PDZD2: variants seen among roughly 807,000 people sequenced by gnomAD.
PDZD2 encodes the protein PDZ domain-containing protein 2.
Under a neutral mutation model 220.7 loss-of-function variants are expected in PDZD2, and 90 were observed. The observed-to-expected ratio is 0.41, with a 90% CI of 0.34 to 0.49. PDZD2 has a LOEUF of 0.49. PDZD2 is among the 20% of genes least tolerant of loss of function. PDZD2 has a pLI of 0.28. For synonymous variants in PDZD2, 1,375 were observed against 1,450.5 expected (o/e 0.95, Z 1.18); for missense variants, 3,174 against 3,608.5 (o/e 0.88, Z 3.08).
At chr5:31,837,894 A>G (rs542361806) in intron 2 of PDZD2, among the ~76,000 whole-genome samples, 15 of 152,282 alleles carry the variant, frequency 9.9e-5, no homozygotes, top group African/African-American at 3.4e-4. Context: ...TTGTCTCAAA[A>G]ATAAAAAGCA....
At chr5:31,802,105 CAT>C (rs940814909) in intron 2 of PDZD2, among the ~76,000 whole-genome samples, 2 of 152,120 alleles carry the variant, frequency 1.3e-5, no homozygotes, top group Admixed American at 1.3e-4. Context: ...AGAAGGATCA[CAT>C]GTGGTGTGAT....
At chr5:31,656,587 G>A (rs1745558949) in intron 1 of PDZD2, among the ~76,000 whole-genome samples, 2 of 152,174 alleles carry the variant, frequency 1.3e-5, no homozygotes, top group South Asian at 2.1e-4. Flanking sequence ...GTCACTCAGC[G>A]TAAACACCTT....
chr5:31,878,562 T>TTTTTTTTTTTTTTTTTG (rs1739541384), intron 2 of PDZD2, among the ~76,000 whole-genome samples: 1 of 93,688 alleles, frequency 1.1e-5, no homozygotes, highest in African/African-American at 5.2e-5. Context: ...CGGCTTTTTT[T>TTTTTTTTTTTTTTTTTG]TTTTTTTTTT....
chr5:31,994,729 C>T (rs1047352828), intron 3 of PDZD2, among the ~76,000 whole-genome samples: 6 of 152,124 alleles, frequency 3.9e-5, no homozygotes, highest in African/African-American at 9.7e-5. Context: ...TCAGGTGATC[C>T]ACCTGCCTCG....
intron 24 of PDZD2, among the ~76,000 whole-genome samples, chr5:32,107,165 ATATG>A (rs1744842649): frequency 6.6e-6 from 1 of 152,140 alleles, no homozygotes; most frequent in Middle Eastern, 3.2e-3. Flanking sequence ...CTTTAGAAGT[ATATG>A]TGTGAGAACG....
intron 1 of PDZD2, among the ~76,000 whole-genome samples, chr5:31,671,651 C>G (rs1479407574): frequency 6.6e-6 from 1 of 152,184 alleles, no homozygotes; most frequent in Admixed American, 6.5e-5. Context: ...AAGTGGCCAG[C>G]CTGGCTGAGC....
intron 1 of PDZD2, among the ~76,000 whole-genome samples, chr5:31,657,529 A>G (rs1351572866): frequency 6.6e-6 from 1 of 152,222 alleles, no homozygotes; most frequent in Non-Finnish European, 1.5e-5. Context: ...CACCAGAATC[A>G]GAATCTAAAT....
chr5:31,673,882 A>G (rs1454968426), intron 1 of PDZD2, among the ~76,000 whole-genome samples: 1 of 152,136 alleles, frequency 6.6e-6, no homozygotes, highest in Admixed American at 6.5e-5. Flanking sequence ...GAGGCAGGAG[A>G]ATCACTTGAA....
At chr5:31,703,905 A>G (rs926463370) in intron 1 of PDZD2, among the ~76,000 whole-genome samples, 2 of 150,970 alleles carry the variant, frequency 1.3e-5, no homozygotes, top group African/African-American at 4.9e-5. Context: ...ATACTGCTCA[A>G]TTTCTTTCCT....
rs112598496 is a variant in PDZD2, at chr5:31,664,364, T to C, written c.-361+24927T>C. Among the ~76,000 whole-genome samples the C allele has an allele frequency of 5.6e-3, 850 of 152,012 alleles. 13 individuals are homozygous for C. The highest frequency in any genetic ancestry group is 0.019 in the African/African-American group (806 of 41,468). ...AATCATTTCTCTCTCACAAACAGCC[T>C]AGTGCAGGGCTCAAATCCCAGGAAG... On this transcript the variant is annotated intron_variant, in intron 1 of 24. Transcript: ENST00000438447.
intron 2 of PDZD2, among the ~76,000 whole-genome samples, chr5:31,933,415 C>T (rs1161251131): frequency 6.6e-6 from 1 of 152,072 alleles, no homozygotes; most frequent in Admixed American, 6.6e-5. Flanking sequence ...AATATCCATT[C>T]GTGTGTCTGC....
intron 2 of PDZD2, among the ~76,000 whole-genome samples, chr5:31,907,234 T>C (rs145198913): frequency 6.6e-6 from 1 of 152,370 alleles, no homozygotes; most frequent in East Asian, 1.9e-4. Flanking sequence ...AAGACGAAAG[T>C]ACCAGCAGCA....
At chr5:31,736,476 G>A (rs985769694) in intron 1 of PDZD2, among the ~76,000 whole-genome samples, 3 of 152,132 alleles carry the variant, frequency 2.0e-5, no homozygotes, top group African/African-American at 7.2e-5. Context: ...ATTTGCCCAC[G>A]CTAATGTGAA....
At chr5:31,945,288 A>T (rs1192783326) in intron 2 of PDZD2, among the ~76,000 whole-genome samples, 1 of 152,210 alleles carries the variant, frequency 6.6e-6, no homozygotes, top group Non-Finnish European at 1.5e-5. Flanking sequence ...TTGTGTGTTT[A>T]TCAGAGGTTG....
intron 1 of PDZD2, among the ~76,000 whole-genome samples, chr5:31,708,209 C>T (rs915353482): frequency 6.6e-6 from 1 of 152,174 alleles, no homozygotes; most frequent in Non-Finnish European, 1.5e-5. Context: ...CTGGCCCTTC[C>T]CTGCCCGCCT....
At chr5:31,983,903 A>G (rs1750507584) in intron 3 of PDZD2, among the ~76,000 whole-genome samples, 1 of 152,246 alleles carries the variant, frequency 6.6e-6, no homozygotes, top group Non-Finnish European at 1.5e-5. Flanking sequence ...ATTTTATCCT[A>G]CTTAAATAAA....
intron 1 of PDZD2, among the ~76,000 whole-genome samples, chr5:31,778,487 TGAACAACTCTGGACGGGAGGAAC>T (rs1035421493): frequency 1.0e-4 from 15 of 150,030 alleles, no homozygotes; most frequent in African/African-American, 3.2e-4. Flanking sequence ...CTGGGAGGAA[TGAACAACTCTGGACGGGAGGAAC>T]GAACAACTCC....
At chr5:31,683,296 CCA>C (rs985524929) in intron 1 of PDZD2, among the ~76,000 whole-genome samples, 3 of 151,488 alleles carry the variant, frequency 2.0e-5, no homozygotes, top group African/African-American at 7.3e-5. Context: ...AGTGATTTGT[CCA>C]CAGTCTTAGT....
intron 19 of PDZD2, 126 bp downstream of exon 19, chr5:32,077,732 G>A (rs996382323): frequency 4.4e-5 from 40 of 916,410 alleles, no homozygotes; most frequent in East Asian, 1.1e-4. Context: ...CGAGGTGGGC[G>A]GACCACTTGA....
Sources: gnomAD v4.1 joint callset for allele counts (sites outside exome capture counted in the v4.1 genomes callset) on GRCh38, gnomAD v4.1.1 for gene constraint, MANE v1.5 for transcripts, NCBI Gene and HGNC (gene_info 2026-07-23, HGNC 2026-07-21) for gene names.